The following SART3 variants were observed in gnomAD, a reference collection of about 807,000 sequenced individuals.
SART3 encodes HIV-1 Tat-interacting protein of 110kDa.
A neutral mutation model predicts 122.3 loss-of-function variants in SART3; 44 were observed. The ratio of observed to expected loss-of-function variants is 0.36; its 90% CI spans 0.28 to 0.46. The LOEUF (loss-of-function observed/expected upper bound fraction) is 0.46, where lower values mean the gene tolerates loss of function less well. Ranked by LOEUF, SART3 falls within the 20% of genes least tolerant of loss-of-function variation. SART3 has a pLI of 1.00. For synonymous variants in SART3, 442 were observed against 454.0 expected, an observed-to-expected ratio of 0.97 and a Z score of 0.34; for missense variants, 1,101 against 1,229.0, an observed-to-expected ratio of 0.90 and a Z score of 1.56.
At position 108,538,957 on chromosome 12, in the gene SART3, A is replaced by G; in HGVS notation, c.1039T>C (p.Trp347Arg). The G allele has an allele frequency of 2.5e-6, 4 of 1,614,238 alleles. No individual in the cohort carries two copies. Among genetic ancestry groups the G allele is most frequent in the Non-Finnish European group, 3.4e-6 (4 of 1,180,036 alleles). Residue 347 changes from tryptophan to arginine, a missense_variant, in exon 7 of 19, where the codon TGG becomes CGG. Transcript: ENST00000546815. The stretch of plus-strand genomic sequence containing the variant: ...ACTAGGTACTGACTGTAACGGATCC[A>G]TAAGTCTGGGACAAGGCAGTTCTCG... The part of the protein sequence containing the change: ...LVENCLVPDL[W>R]IRYSQYLDRQ...
At chr12:108,526,015 A>T (rs1221367073) in intron 16 of SART3, 84 bp downstream of exon 16, 1 of 1,127,414 alleles carries the variant, frequency 8.9e-7, no homozygotes, top group Non-Finnish European at 1.3e-6. Flanking sequence ...TTCCATGTCT[A>T]TCCTAAATAT....
chr12:108,524,320 C>T lies in SART3; in HGVS notation c.2710G>A (p.Gly904Arg), dbSNP rs746939931. ...GTCTACCATGCAAGCACTTACGCTC[C>T]GTATGTCTGCGGCAAAAGCATGGGG... is the stretch of plus-strand genomic sequence containing the variant. ...GGPMLLPQTY[G>R]ARGKGRTQLS... The change falls in exon 18 of 19, where the codon GGA becomes AGA. Residue 904 changes from glycine (G) to arginine (R), a missense_variant. By Grantham distance (125) the Gly-to-Arg change is moderately radical. This residue lies in a region of SART3 where 885 missense variants were observed against 1,080.1 expected (regional missense o/e 0.82). Coordinates refer to ENST00000546815, the MANE Select transcript of SART3 (RefSeq NM_014706.4). The T allele has an allele frequency of 5.6e-6, 9 of 1,613,506 alleles. No homozygotes were observed. The highest frequency in any genetic ancestry group is 1.7e-4 in the Middle Eastern group (1 of 5,908).
intron 14 of SART3, among the ~76,000 whole-genome samples, 181 bp from the exon 15 acceptor site, chr12:108,530,491 T>C (rs1406111531): frequency 2.0e-5 from 3 of 152,192 alleles, no homozygotes; most frequent in African/African-American, 7.2e-5. Context: ...GTTGGAATTC[T>C]GGATCTGATG....
rs1565859236 is a variant in SART3, at chr12:108,531,222, GAC to G, written c.1726_1727del (p.Val576GlnfsTer2). On this transcript the variant is annotated frameshift_variant, in exon 14 of 19. Transcript: ENST00000546815. LOFTEE classifies it high-confidence loss of function. ...TCATTACCTTCATTCTCTGCTCATT[GAC>G]ACGAGCTAATCGGGTTTCAGTTTTC... ...VQKTETRLAR[V>X]NEQRMKAAEK... is the part of the protein sequence containing the mutation. The G allele has an allele frequency of 6.2e-7, 1 of 1,613,882 alleles. No homozygotes were observed. The highest frequency in any genetic ancestry group is 1.1e-5 in the South Asian group (1 of 91,070).
intron 3 of SART3, 69 bp downstream of exon 3, chr12:108,547,818 A>T: frequency 8.9e-7 from 1 of 1,127,490 alleles, no homozygotes; most frequent in Non-Finnish European, 1.3e-6. Context: ...ATCTCATAAT[A>T]CAGTCCTCAA....
At chr12:108,542,019 T>C (rs904530396) in intron 6 of SART3, among the ~76,000 whole-genome samples, 5 of 132,064 alleles carry the variant, frequency 3.8e-5, no homozygotes, top group African/African-American at 1.7e-4. Flanking sequence ...TTTTTTTTTT[T>C]TTTTTTTTGG....
At chr12:108,553,876 G>C (rs17040691) in intron 1 of SART3, among the ~76,000 whole-genome samples, 30,345 of 152,136 alleles carry the variant, frequency 0.2, 3,900 homozygotes, top group East Asian at 0.51. Flanking sequence ...TGGCTTCCCA[G>C]TATCCTAGGA....
intron 3 of SART3, among the ~76,000 whole-genome samples, chr12:108,546,761 T>G (rs1331333541): frequency 1.3e-5 from 2 of 152,140 alleles, no homozygotes; most frequent in African/African-American, 2.4e-5. Flanking sequence ...GCTCAAGGGA[T>G]CCGCCTGCCT....
intron 1 of SART3, chr12:108,560,196 A>C (rs558459857): frequency 2.6e-5 from 4 of 152,536 alleles, no homozygotes; most frequent in African/African-American, 9.6e-5. Flanking sequence ...TTATGACTAG[A>C]TGCTAGGCAC....
At chr12:108,551,210 C>T (rs1421067960) in intron 1 of SART3, among the ~76,000 whole-genome samples, 1 of 152,174 alleles carries the variant, frequency 6.6e-6, no homozygotes, top group African/African-American at 2.4e-5. Context: ...ATAACGTACA[C>T]TTCAGAGCAA....
At chr12:108,528,830 G>A (rs1872519691) in intron 15 of SART3, among the ~76,000 whole-genome samples, 1 of 152,072 alleles carries the variant, frequency 6.6e-6, no homozygotes, top group African/African-American at 2.4e-5. Flanking sequence ...GTCAGAGAAG[G>A]GCGTGACACA....
chr12:108,539,235 C>G, intron 6 of SART3, 146 bp from the exon 7 acceptor site: 1 of 800,542 alleles, frequency 1.2e-6, no homozygotes, highest in East Asian at 2.7e-5. Context: ...ATGGCCTCTA[C>G]AACTTCTTGA....
chr12:108,526,769 C>T (rs1052983326), intron 15 of SART3, among the ~76,000 whole-genome samples: 1 of 152,144 alleles, frequency 6.6e-6, no homozygotes, highest in African/African-American at 2.4e-5. Context: ...GGTAAGTGGG[C>T]TCAATCAAGT....
chr12:108,547,530 A>C (rs1294168621), intron 3 of SART3, among the ~76,000 whole-genome samples: 4 of 152,222 alleles, frequency 2.6e-5, no homozygotes, highest in Non-Finnish European at 4.4e-5. Context: ...TCAAAATAAA[A>C]AGGTTTTCTT....
rs1275583287 is a variant in SART3 at position 108,538,941 on chromosome 12, T to G, written c.1055A>C (p.Gln352Pro). Residue 352 changes from glutamine (Q) to proline (P), a missense_variant, in exon 7 of 19, where the codon CAG (glutamine) becomes CCG (proline). Coordinates refer to ENST00000546815, the MANE Select transcript of SART3 (RefSeq NM_014706.4). ...TTAGAACAGTGATCTTACTAGGTAC[T>G]GACTGTAACGGATCCATAAGTCTGG... ...LVPDLWIRYSQYLDRQLKVKD... is the reference protein window; with the variant it reads ...LVPDLWIRYSPYLDRQLKVKD... 6.2e-7 allele frequency: 1 copy of G among 1,614,062 alleles called. No individual in the cohort carries two copies. The highest frequency in any genetic ancestry group is 1.3e-5 in the African/African-American group (1 of 74,928).
rs1455715236 is a variant in SART3, at chr12:108,536,466, T to G, written c.1446+48A>C. 2.6e-6 allele frequency: 4 copies of G among 1,559,266 alleles called. No individual in the cohort carries two copies. The South Asian group carries it at 3.3e-5, about 13-fold the overall frequency. ...TTTTAATTAAAGTTTAATAGGATGC[T>G]ATTAAACAATGATGGATGAAAGTGC... On this transcript the variant is annotated intron_variant, in intron 11 of 18. Transcript: ENST00000546815.
intron 6 of SART3, among the ~76,000 whole-genome samples, chr12:108,542,509 C>G (rs1027588282): frequency 2.0e-5 from 3 of 150,748 alleles, no homozygotes; most frequent in African/African-American, 7.3e-5. Context: ...ACCCAACTAT[C>G]CAGCAACATG....
chr12:108,533,116 T>C (rs892875659), intron 12 of SART3, among the ~76,000 whole-genome samples: 2 of 152,180 alleles, frequency 1.3e-5, no homozygotes, highest in Non-Finnish European at 2.9e-5. Flanking sequence ...ATGCTCAGAA[T>C]AAATTCAGAG....
chr12:108,523,570 C>G lies in SART3; in HGVS notation c.2779G>C (p.Ala927Pro), dbSNP rs1404811055. 6.2e-7 allele frequency: 1 copy of G among 1,614,168 alleles called. No individual in the cohort carries two copies. Among genetic ancestry groups the G allele is most frequent in the Non-Finnish European group, 8.5e-7 (1 of 1,180,028 alleles). ...PRALQRPSAA[A>P]PQAENGPAAA... ...GCAGGGCCGTTCTCAGCCTGAGGAG[C>G]TGCAGCACTTGGGCGCTGCAGGGCA... is the stretch of plus-strand genomic sequence containing the variant. The change falls in exon 19 of 19, where the codon GCT (alanine) becomes CCT (proline). Residue 927 changes from alanine to proline, a missense_variant. Around this residue, in one of 2 missense-constraint regions of SART3, gnomAD observed 885 missense variants for 1,080.1 expected, o/e 0.82. Transcript: ENST00000546815.
Sources: allele counts gnomAD v4.1 joint callset (sites outside exome capture counted in the v4.1 genomes callset), GRCh38; gene constraint gnomAD v4.1.1; regional missense constraint gnomAD v4.1.1; transcripts MANE v1.5; gene names NCBI Gene and HGNC (gene_info 2026-07-23, HGNC 2026-07-21).